EXOC6B: variants seen among roughly 807,000 people sequenced by gnomAD.
The protein encoded by EXOC6B is SEC15 homolog B.
EXOC6B carries 54 observed loss-of-function variants against 113.5 expected under a neutral mutation model. That is an observed-to-expected ratio of 0.48 (90% CI 0.38 to 0.60). The LOEUF (loss-of-function observed/expected upper bound fraction) is 0.60, where lower values mean the gene tolerates loss of function less well. Ranked by LOEUF, EXOC6B falls within the 20% of genes least tolerant of loss-of-function variation. The pLI is 0.00. For missense variants in EXOC6B, 797 were observed against 977.5 expected (o/e 0.82, Z 2.46); for synonymous variants, 357 against 339.0 (o/e 1.05, Z -0.58).
At chr2:72,776,667 T>C (rs925283258) in intron 1 of EXOC6B, among the ~76,000 whole-genome samples, 1 of 150,356 alleles carries the variant, frequency 6.7e-6, no homozygotes, top group African/African-American at 2.4e-5. Context: ...ATGAATTAGG[T>C]GAAAAAATAG....
At chr2:72,742,626 A>T (rs1681399442) in intron 1 of EXOC6B, among the ~76,000 whole-genome samples, 1 of 151,966 alleles carries the variant, frequency 6.6e-6, no homozygotes, top group South Asian at 2.1e-4. Flanking sequence ...TTCTTTAAAC[A>T]CTCTCTCCAG....
At position 72,216,304 on chromosome 2, in the gene EXOC6B, A is replaced by G. The variant is rs940730510; in HGVS notation, c.2197-32117T>C. On this transcript the variant is annotated intron_variant, in intron 20 of 21. Transcript: ENST00000272427. ...TGCATCTGACAAACATATGAAAAAA[A>G]GTTCAACATCACTGATCATTAGAGA... 5.9e-5 allele frequency among the ~76,000 whole-genome samples: 9 copies of G among 152,238 alleles called. 1 individual carries two copies.
intron 6 of EXOC6B, among the ~76,000 whole-genome samples, chr2:72,666,455 A>G (rs1445018588): frequency 6.6e-6 from 1 of 152,158 alleles, no homozygotes; most frequent in Non-Finnish European, 1.5e-5. Flanking sequence ...CTCTCAGATC[A>G]CAGAACTATA....
At chr2:72,814,265 C>T (rs764018491) in intron 1 of EXOC6B, among the ~76,000 whole-genome samples, 73 of 152,174 alleles carry the variant, frequency 4.8e-4, no homozygotes, top group African/African-American at 1.6e-3. Context: ...TACAATAGAA[C>T]ATTTATTTAG....
intron 20 of EXOC6B, among the ~76,000 whole-genome samples, chr2:72,267,438 C>T (rs1376166822): frequency 2.6e-5 from 4 of 152,096 alleles, no homozygotes; most frequent in African/African-American, 9.7e-5. Context: ...CCCATCAATA[C>T]CTAATTTATC....
In EXOC6B at chr2:72,177,975, G is replaced by A. The variant is rs1451140704; in HGVS notation, c.*1360C>T. On this transcript the variant is annotated 3_prime_UTR_variant, in exon 22 of 22. Transcript: ENST00000272427. ...CCTCATAGCAAAGCCCTTGCGTTAA[G>A]TCTCAGGAGTCCATCTGGGTCAATG... The A allele has an allele frequency of 6.6e-6, 1 of 152,198 alleles. No individual in the cohort carries two copies. The highest frequency in any genetic ancestry group is 1.5e-5 in the Non-Finnish European group (1 of 68,062). 9.4% of individuals were successfully genotyped at this position (152,198 alleles called of 1,614,324 possible). A position where few individuals can be genotyped will look rare whatever the true frequency, so the allele number is the denominator to read the frequency against.
At chr2:72,647,543 C>T (rs1006749444) in intron 6 of EXOC6B, among the ~76,000 whole-genome samples, 12 of 152,174 alleles carry the variant, frequency 7.9e-5, no homozygotes, top group Non-Finnish European at 1.5e-4. Flanking sequence ...TACAAGGCTA[C>T]AGTAACCAAA....
chr2:72,593,425 A>C (rs367708403), intron 6 of EXOC6B, among the ~76,000 whole-genome samples: 1 of 152,244 alleles, frequency 6.6e-6, no homozygotes. Context: ...GGGGTCTGCT[A>C]TACCTTGTTA....
chr2:72,561,152 C>T (rs1167391399), intron 7 of EXOC6B, among the ~76,000 whole-genome samples: 1 of 151,822 alleles, frequency 6.6e-6, no homozygotes, highest in African/African-American at 2.4e-5. Flanking sequence ...TTTTATCTTG[C>T]CAAAATATGA....
intron 19 of EXOC6B, among the ~76,000 whole-genome samples, chr2:72,369,091 G>A (rs1159780802): frequency 2.0e-5 from 3 of 152,158 alleles, no homozygotes; most frequent in Admixed American, 6.5e-5. Flanking sequence ...GTTTGCAGAT[G>A]ACATGATTGT....
At chr2:72,757,789 C>T (rs1407663095) in intron 1 of EXOC6B, among the ~76,000 whole-genome samples, 3 of 152,144 alleles carry the variant, frequency 2.0e-5, no homozygotes, top group Admixed American at 6.6e-5. Flanking sequence ...CACCACTGGT[C>T]AGAATTTTTA....
chr2:72,277,410 CA>C (rs1395951562), intron 20 of EXOC6B, among the ~76,000 whole-genome samples: 2 of 152,020 alleles, frequency 1.3e-5, no homozygotes, highest in African/African-American at 2.4e-5. Context: ...CAAGGGAGCT[CA>C]ATAGAACTAC....
At chr2:72,785,739 A>C (rs1426634161) in intron 1 of EXOC6B, among the ~76,000 whole-genome samples, 2 of 152,228 alleles carry the variant, frequency 1.3e-5, no homozygotes, top group Non-Finnish European at 1.5e-5. Flanking sequence ...TCCTGGGCCT[A>C]TGGGCCTGTG....
chr2:72,233,266 T>C (rs1681744567), intron 20 of EXOC6B, among the ~76,000 whole-genome samples: 1 of 151,854 alleles, frequency 6.6e-6, no homozygotes, highest in African/African-American at 2.4e-5. Context: ...AGCAGCTCAG[T>C]GCACCATGTG....
At chr2:72,288,861 T>C (rs927168404) in intron 20 of EXOC6B, 10 of 211,650 alleles carry the variant, frequency 4.7e-5, no homozygotes, top group Admixed American at 2.0e-4. Context: ...TGCTGAAGCA[T>C]GGTTACATTG....
chr2:72,571,875 C>T (rs1704533504), intron 7 of EXOC6B, among the ~76,000 whole-genome samples: 1 of 151,924 alleles, frequency 6.6e-6, no homozygotes, highest in African/African-American at 2.4e-5. Flanking sequence ...TCCATGATCT[C>T]CTCTTATGCA....
At chr2:72,207,060 A>C (rs1036828442) in intron 20 of EXOC6B, among the ~76,000 whole-genome samples, 1 of 152,218 alleles carries the variant, frequency 6.6e-6, no homozygotes, top group Non-Finnish European at 1.5e-5. Flanking sequence ...ATACTGTCAA[A>C]AGCAGATTTT....
At chr2:72,693,124 T>G (rs1184959613) in intron 6 of EXOC6B, among the ~76,000 whole-genome samples, 1 of 152,168 alleles carries the variant, frequency 6.6e-6, no homozygotes, top group Admixed American at 6.5e-5. Context: ...ATTTTCTCTT[T>G]CAGTTCCCTA....
chr2:72,584,850 A>G (rs180918121), intron 6 of EXOC6B, among the ~76,000 whole-genome samples: 16 of 152,342 alleles, frequency 1.1e-4, no homozygotes, highest in African/African-American at 3.8e-4. Context: ...ATCAATACCA[A>G]GAAGATCTCC....
Sources: gnomAD v4.1 joint callset for allele counts (sites outside exome capture counted in the v4.1 genomes callset) on GRCh38, gnomAD v4.1.1 for gene constraint, MANE v1.5 for transcripts, NCBI Gene and HGNC (gene_info 2026-07-23, HGNC 2026-07-21) for gene names.